Variants in PHKA2 observed in about 807,000 individuals in gnomAD.
PHKA2 encodes the protein phosphorylase kinase regulatory subunit alpha 2, also known as phosphorylase b kinase regulatory subunit alpha, liver isoform.
Under a neutral mutation model 102.0 loss-of-function variants are expected in PHKA2, and 31 were observed. The ratio of observed to expected loss-of-function variants is 0.30; its 90% CI spans 0.23 to 0.41. PHKA2 has a LOEUF of 0.41. Among genes scored for constraint, PHKA2 ranks in the 10% least tolerant of loss-of-function variants. The pLI, the probability that PHKA2 is intolerant of heterozygous loss-of-function variation, is 1.00. For missense variants in PHKA2, 858 were observed against 1,023.1 expected (o/e 0.84, Z 2.20); for synonymous variants, 455 against 416.2 (o/e 1.09, Z -1.13).
intron 2 of PHKA2, 65 bp downstream of exon 2, chrX:18,954,189 G>A: frequency 9.0e-7 from 1 of 1,112,981 alleles, no homozygotes; most frequent in Non-Finnish European, 1.2e-6. Flanking sequence ...CTACTTCTCT[G>A]TGGGTTTTTC....
rs2049165364 is a variant in PHKA2 at position 18,981,121 on chromosome X, T to C, written c.78+2734A>G. Among the ~76,000 whole-genome samples the C allele has an allele frequency of 3.6e-5, 4 of 111,576 alleles. No individual in the cohort carries two copies. The South Asian group carries it at 1.5e-3, about 42-fold the overall frequency. On this transcript the variant is annotated intron_variant, in intron 1 of 32. Transcript: ENST00000379942. ...TAACATAAAAGTGCTCATTCGTTTT[T>C]CTAGAGTAGTTAGGGGACCTGCCTA...
chrX:18,941,878 TG>T (rs1274862085), intron 7 of PHKA2, among the ~76,000 whole-genome samples: 6 of 112,742 alleles, frequency 5.3e-5, no homozygotes, highest in Non-Finnish European at 9.4e-5. Context: ...AGTCAGGGCT[TG>T]GGGAGAGCAT....
At chrX:18,979,897 AAAAG>A (rs2049146633) in intron 1 of PHKA2, among the ~76,000 whole-genome samples, 1 of 111,608 alleles carries the variant, frequency 9.0e-6, no homozygotes, top group Non-Finnish European at 1.9e-5. Context: ...GATTGTAGGG[AAAAG>A]AAAGAGAGAT....
intron 18 of PHKA2, 42 bp from the exon 19 acceptor site, chrX:18,918,896 C>T: frequency 8.8e-7 from 1 of 1,134,305 alleles, no homozygotes; most frequent in Non-Finnish European, 1.2e-6. Context: ...TGAAACCAAG[C>T]TGTAGAAATA....
chrX:18,979,704 T>G (rs766101619), intron 1 of PHKA2, among the ~76,000 whole-genome samples: 1 of 111,841 alleles, frequency 8.9e-6, no homozygotes, highest in Non-Finnish European at 1.9e-5. Context: ...GCAAGTATAT[T>G]TGGCAAATGA....
chrX:18,939,781 C>T (rs1039202402), intron 9 of PHKA2, among the ~76,000 whole-genome samples: 1 of 112,241 alleles, frequency 8.9e-6, no homozygotes. Context: ...GCGTGAGCCA[C>T]CGCGCCTGGC....
intron 11 of PHKA2, among the ~76,000 whole-genome samples, chrX:18,934,757 T>C (rs943842701): frequency 2.7e-5 from 3 of 112,529 alleles, no homozygotes; most frequent in African/African-American, 6.4e-5. Context: ...AAGTCCACTA[T>C]ACTATTGCTT....
At chrX:18,971,172 T>C (rs1198129907) in intron 1 of PHKA2, among the ~76,000 whole-genome samples, 1 of 112,621 alleles carries the variant, frequency 8.9e-6, no homozygotes, top group East Asian at 2.8e-4. Flanking sequence ...TAGCCTACCT[T>C]AACTAATACA....
intron 10 of PHKA2, 81 bp downstream of exon 10, chrX:18,938,546 G>C (rs1253631498): frequency 1.1e-5 from 11 of 1,002,326 alleles, no homozygotes; most frequent in Non-Finnish European, 1.6e-5. Context: ...CTAAATTCTT[G>C]CATAACCCTA....
chrX:18,950,007 C>T (rs1009682027), intron 4 of PHKA2, among the ~76,000 whole-genome samples: 8 of 112,071 alleles, frequency 7.1e-5, no homozygotes, highest in East Asian at 2.8e-4. Flanking sequence ...CAGACATAGC[C>T]GTTAAGTGCC....
chrX:18,977,486 G>A (rs1221102696), intron 1 of PHKA2, among the ~76,000 whole-genome samples: 1 of 111,376 alleles, frequency 9.0e-6, no homozygotes, highest in African/African-American at 3.3e-5. Context: ...GTATCTGAGA[G>A]AGGGGGTTTA....
intron 17 of PHKA2, among the ~76,000 whole-genome samples, chrX:18,922,430 C>G (rs187926304): frequency 2.7e-5 from 3 of 111,124 alleles, no homozygotes; most frequent in African/African-American, 9.8e-5. Flanking sequence ...TGGGGACAGT[C>G]TCGCGAGAAA....
At chrX:18,972,346 C>T (rs2049028430) in intron 1 of PHKA2, among the ~76,000 whole-genome samples, 1 of 112,082 alleles carries the variant, frequency 8.9e-6, no homozygotes, top group Non-Finnish European at 1.9e-5. Context: ...CATTCCTTCC[C>T]CTCTTCTATT....
intron 10 of PHKA2, 71 bp downstream of exon 10, chrX:18,938,556 A>G (rs1979583968): frequency 1.2e-5 from 12 of 1,041,142 alleles, no homozygotes; most frequent in African/African-American, 1.8e-5. Flanking sequence ...GCATAACCCT[A>G]TGTTCTAATA....
intron 26 of PHKA2, 107 bp downstream of exon 26, chrX:18,905,651 G>A (rs1351936063): frequency 1.9e-5 from 11 of 588,905 alleles, no homozygotes; most frequent in Non-Finnish European, 3.0e-5. Flanking sequence ...CTTCAGGTAG[G>A]AGCCTTCTCT....
intron 1 of PHKA2, among the ~76,000 whole-genome samples, chrX:18,974,799 G>A (rs956251340): frequency 1.8e-5 from 2 of 111,210 alleles, no homozygotes; most frequent in Non-Finnish European, 3.8e-5. Flanking sequence ...AGGCCCCACC[G>A]CCTAATGCCA....
At chrX:18,915,378 T>G (rs1463505838) in intron 19 of PHKA2, 1 of 108,959 alleles carries the variant, frequency 9.2e-6, no homozygotes, top group Non-Finnish European at 1.9e-5. Flanking sequence ...ACTGTATTTT[T>G]ACTATTTTTT....
At position 18,899,176 on chromosome X, in the gene PHKA2, AGACTTGGAG is replaced by A; in HGVS notation, c.3099_3107del (p.Ser1034_Ser1036del). On this transcript the variant is annotated inframe_deletion, in exon 29 of 33. Transcript: ENST00000379942. ...AATAATCCCGAGGCACTGTTACCGCAGACTTGGAGGAATGCGCACTGCTGGACGCGGCCT... is the reference window on the plus strand; with the variant it reads ...AATAATCCCGAGGCACTGTTACCGCAGAATGCGCACTGCTGGACGCGGCCT... The A allele has an allele frequency of 8.3e-7, 1 of 1,208,427 alleles. No homozygotes were observed. The highest frequency in any genetic ancestry group is 1.1e-6 in the Non-Finnish European group (1 of 892,262).
chrX:18,897,346 C>T lies in PHKA2; in HGVS notation c.3112-13G>A, dbSNP rs367777048. The T allele has an allele frequency of 7.3e-5, 87 of 1,196,677 alleles. No individual in the cohort carries two copies. The highest frequency in any genetic ancestry group is 9.6e-5 in the Non-Finnish European group (85 of 888,160). On this transcript the variant is annotated splice_polypyrimidine_tract_variant and intron_variant, in intron 29 of 32. Transcript: ENST00000379942. Reference sequence around the variant, plus strand: ...GGGTGCTGGACCTCTGCAAGACAGACAGCTTGGGGCCTCAGAAGCCACGCA... The same window carrying T: ...GGGTGCTGGACCTCTGCAAGACAGATAGCTTGGGGCCTCAGAAGCCACGCA...
Sources: allele counts gnomAD v4.1 joint callset (sites outside exome capture counted in the v4.1 genomes callset), GRCh38; gene constraint gnomAD v4.1.1; transcripts MANE v1.5; gene names NCBI Gene and HGNC (gene_info 2026-07-23, HGNC 2026-07-21).